CYB5R4: variants seen among roughly 807,000 people sequenced by gnomAD.
CYB5R4 encodes cytochrome b5 reductase 4, also known as N-terminal cytochrome b5 and cytochrome b5 oxidoreductase domain-containing protein.
CYB5R4 carries 55 observed loss-of-function variants against 70.2 expected under a neutral mutation model. The ratio of observed to expected loss-of-function variants is 0.78; its 90% CI spans 0.63 to 0.98. CYB5R4 has a LOEUF of 0.98. Ranked by LOEUF, CYB5R4 falls within the 50% of genes least tolerant of loss-of-function variation. The probability of loss-of-function intolerance (pLI) is 0.00; values close to 1 mark genes in which losing one functional copy is unlikely to be tolerated. For synonymous variants in CYB5R4, 197 were observed against 199.5 expected, an observed-to-expected ratio of 0.99 and a Z score of 0.11; for missense variants, 562 against 612.6, an observed-to-expected ratio of 0.92 and a Z score of 0.87.
At position 83,940,496 on chromosome 6, in the gene CYB5R4, T is replaced by C. The variant is rs751019079; in HGVS notation, c.1260-19T>C. 1 of 1,122,494 alleles carries C rather than the reference T, an allele frequency of 8.9e-7. No individual in the cohort carries two copies. The highest frequency in any genetic ancestry group is 1.2e-6 in the Non-Finnish European group (1 of 850,560). The allele number at this position is 1,122,494 out of a possible 1,614,324, so 69.5% of individuals were successfully genotyped here. A position where few individuals can be genotyped will look rare whatever the true frequency, so the allele number is the denominator to read the frequency against. The stretch of plus-strand genomic sequence containing the variant: ...ATGTAATTAATTAGTTATTTCTGAG[T>C]TTTTTTTTTTCTCTTAAGGAAAGTG... On this transcript the variant is annotated intron_variant, in intron 13 of 15. Transcript: ENST00000369681.
At chr6:83,864,495 C>T (rs1287939122) in intron 2 of CYB5R4, among the ~76,000 whole-genome samples, 167 bp downstream of exon 2, 4 of 152,112 alleles carry the variant, frequency 2.6e-5, no homozygotes, top group Admixed American at 6.5e-5. Context: ...GTATTTCTTC[C>T]TTAGGTAACC....
At chr6:83,891,050 C>T (rs937462940) in intron 2 of CYB5R4, among the ~76,000 whole-genome samples, 7 of 152,036 alleles carry the variant, frequency 4.6e-5, no homozygotes, top group South Asian at 2.1e-4. Context: ...TCAAGCGATC[C>T]GCCCACCTCA....
intron 12 of CYB5R4, among the ~76,000 whole-genome samples, chr6:83,936,600 C>T (rs1036490671): frequency 1.3e-5 from 2 of 152,146 alleles, no homozygotes; most frequent in South Asian, 2.1e-4. Flanking sequence ...AAACTCGAGT[C>T]GGCCTTGATT....
At chr6:83,879,433 ACT>A (rs1056359294) in intron 2 of CYB5R4, among the ~76,000 whole-genome samples, 14 of 151,888 alleles carry the variant, frequency 9.2e-5, no homozygotes, top group African/African-American at 3.4e-4. Context: ...TGTGTTTTAC[ACT>A]CTTTCCAGCA....
At chr6:83,900,716 A>G (rs1189319482) in intron 3 of CYB5R4, among the ~76,000 whole-genome samples, 4 of 152,126 alleles carry the variant, frequency 2.6e-5, no homozygotes, top group African/African-American at 9.7e-5. Flanking sequence ...CTTTACCATT[A>G]TGTAATGGCC....
At chr6:83,885,352 C>T (rs1247935397) in intron 2 of CYB5R4, among the ~76,000 whole-genome samples, 1 of 152,088 alleles carries the variant, frequency 6.6e-6, no homozygotes, top group Non-Finnish European at 1.5e-5. Flanking sequence ...GACCTTGAGC[C>T]ACCAAAAAGG....
In CYB5R4 at chr6:83,940,393, G is replaced by T. The variant is rs2099469557; in HGVS notation, c.1260-122G>T. On this transcript the variant is annotated intron_variant, in intron 13 of 15. Transcript: ENST00000369681. ...GTTCTTTTATCTCATTTCAGTTTTTGATGATTTTTAGTTACCTACTGGGCA... is the reference window on the plus strand; with the variant it reads ...GTTCTTTTATCTCATTTCAGTTTTTTATGATTTTTAGTTACCTACTGGGCA... The T allele has an allele frequency of 5.1e-5, 56 of 1,106,498 alleles. 1 individual carries two copies. The South Asian group carries it at 9.2e-4, about 18-fold the overall frequency. The allele number at this position is 1,106,498 out of a possible 1,614,324, so 68.5% of individuals were successfully genotyped here. A position where few individuals can be genotyped will look rare whatever the true frequency, so the allele number is the denominator to read the frequency against.
intron 3 of CYB5R4, among the ~76,000 whole-genome samples, chr6:83,906,977 T>G (rs1044639270): frequency 6.6e-6 from 1 of 152,234 alleles, no homozygotes; most frequent in Non-Finnish European, 1.5e-5. Context: ...TTTGCTAATT[T>G]AAGTAGTGCT....
At chr6:83,929,446 A>G (rs1341778718) in intron 10 of CYB5R4, 1 of 152,240 alleles carries the variant, frequency 6.6e-6, no homozygotes, top group Non-Finnish European at 1.5e-5. Flanking sequence ...GGATTCATAT[A>G]TCAGAAAGAA....
Position 83,907,098 on chromosome 6 carries a change from A to T in CYB5R4, c.331-1911A>T, listed in dbSNP as rs146153990. ...CAGATTTTTAAGTCCTTTTTTTTCA[A>T]ACAGGGTCTTGCTCTTTTGCCCAGG... is the stretch of plus-strand genomic sequence containing the variant. On this transcript the variant is annotated intron_variant, in intron 3 of 15. Transcript: ENST00000369681. Among the ~76,000 whole-genome samples, 25 of 152,110 alleles carry T rather than the reference A, an allele frequency of 1.6e-4. No individual in the cohort carries two copies. In the East Asian group the frequency reaches 4.8e-3, roughly 29 times the overall value.
At chr6:83,895,481 A>G (rs1411717562) in intron 3 of CYB5R4, among the ~76,000 whole-genome samples, 4 of 152,116 alleles carry the variant, frequency 2.6e-5, no homozygotes, top group Admixed American at 6.6e-5. Flanking sequence ...TTTGTTATCT[A>G]GCAATGCAAG....
intron 3 of CYB5R4, among the ~76,000 whole-genome samples, chr6:83,896,922 T>A (rs1006520099): frequency 1.3e-5 from 2 of 152,092 alleles, no homozygotes; most frequent in African/African-American, 4.8e-5. Flanking sequence ...TTTTTTTTTT[T>A]ATTATACTTT....
chr6:83,923,914 A>T (rs913663756), intron 9 of CYB5R4, among the ~76,000 whole-genome samples: 1 of 151,646 alleles, frequency 6.6e-6, no homozygotes, highest in Non-Finnish European at 1.5e-5. Flanking sequence ...AAATAAAAAA[A>T]AAAAAATTAG....
chr6:83,943,573 C>T (rs1399189333), intron 14 of CYB5R4, among the ~76,000 whole-genome samples: 2 of 152,078 alleles, frequency 1.3e-5, no homozygotes, highest in Non-Finnish European at 2.9e-5. Context: ...CAAAGGATCA[C>T]AACTCCTCAC....
intron 2 of CYB5R4, among the ~76,000 whole-genome samples, chr6:83,879,078 C>A (rs757751322): frequency 6.6e-6 from 1 of 152,084 alleles, no homozygotes; most frequent in African/African-American, 2.4e-5. Context: ...GTTTCAGCCT[C>A]AGTCTTAGAC....
In CYB5R4 at chr6:83,961,426, T is replaced by C. The variant is rs2099473320; in HGVS notation, c.*1548T>C. On this transcript the variant is annotated 3_prime_UTR_variant, in exon 16 of 16. Coordinates refer to ENST00000369681, the MANE Select transcript of CYB5R4 (RefSeq NM_016230.4). ...GAGGGAGGGTCTTGGTGGGAGGTGATTGGATCATGGGAGTGATTGCCCCCA... is the reference window on the plus strand; with the variant it reads ...GAGGGAGGGTCTTGGTGGGAGGTGACTGGATCATGGGAGTGATTGCCCCCA... 2 of 151,986 alleles carry C rather than the reference T, an allele frequency of 1.3e-5. No homozygotes were observed. The highest frequency in any genetic ancestry group is 4.2e-4 in the South Asian group (2 of 4,784). The allele number at this position is 151,986 out of a possible 1,614,324, so 9.4% of individuals were successfully genotyped here.
chr6:83,878,340 A>T (rs1013851877), intron 2 of CYB5R4, among the ~76,000 whole-genome samples: 3 of 148,678 alleles, frequency 2.0e-5, no homozygotes, highest in Non-Finnish European at 4.4e-5. Context: ...TTTAAAAAAG[A>T]TGTGTTTTGT....
chr6:83,864,374 T>C (rs777424366), intron 2 of CYB5R4, 46 bp downstream of exon 2: 29 of 1,543,930 alleles, frequency 1.9e-5, no homozygotes, highest in Non-Finnish European at 2.3e-5. Flanking sequence ...GCCTGAACTT[T>C]CCAATTATGA....
At chr6:83,912,056 CA>C (rs34601186) in intron 4 of CYB5R4, among the ~76,000 whole-genome samples, 9,892 of 64,792 alleles carry the variant, frequency 0.15, 257 homozygotes, top group African/African-American at 0.23. Context: ...GGCCTTGTCT[CA>C]AAAAAAAAAA....
Sources: gnomAD v4.1 joint callset for allele counts (sites outside exome capture counted in the v4.1 genomes callset) on GRCh38, gnomAD v4.1.1 for gene constraint, MANE v1.5 for transcripts, NCBI Gene and HGNC (gene_info 2026-07-23, HGNC 2026-07-21) for gene names.